The following SLC14A2 variants were observed in gnomAD, a reference collection of about 807,000 sequenced individuals.
SLC14A2 encodes solute carrier family 14 member 2, also known as urea transporter 2.
Under a neutral mutation model 104.6 loss-of-function variants are expected in SLC14A2, and 91 were observed. The ratio of observed to expected loss-of-function variants is 0.87; its 90% CI spans 0.73 to 1.04. SLC14A2 has a LOEUF of 1.04. Among genes scored for constraint, SLC14A2 ranks in the 50% least tolerant of loss-of-function variants. The probability of loss-of-function intolerance (pLI) is 0.00; values close to 1 mark genes in which losing one functional copy is unlikely to be tolerated. For missense variants in SLC14A2, 1,189 were observed against 1,156.0 expected (o/e 1.03, Z -0.41); for synonymous variants, 476 against 466.4 (o/e 1.02, Z -0.27).
At chr18:45,649,207 G>A (rs559677590) in intron 10 of SLC14A2, among the ~76,000 whole-genome samples, 12 of 145,690 alleles carry the variant, frequency 8.2e-5, no homozygotes, top group African/African-American at 2.1e-4. Flanking sequence ...AGGCATATTT[G>A]TCTCTTATTA....
chr18:45,552,504 A>G (rs989209981), intron 2 of SLC14A2, among the ~76,000 whole-genome samples: 6 of 152,116 alleles, frequency 3.9e-5, no homozygotes, highest in Admixed American at 3.3e-4. Flanking sequence ...CCACACTACA[A>G]TGCAGCCATA....
intron 4 of SLC14A2, 65 bp downstream of exon 4, chr18:45,627,212 TGAGTAA>T: frequency 6.9e-7 from 1 of 1,458,800 alleles, no homozygotes; most frequent in Non-Finnish European, 9.5e-7. Flanking sequence ...GGTGTTTACT[TGAGTAA>T]TCAGTCAACC....
intron 1 of SLC14A2, among the ~76,000 whole-genome samples, chr18:45,432,763 ATG>A (rs1372135479): frequency 1.3e-5 from 2 of 152,170 alleles, no homozygotes; most frequent in African/African-American, 4.8e-5. Flanking sequence ...TCTAGTAGAC[ATG>A]TGATCCTAAG....
chr18:45,539,628 T>C, intron 2 of SLC14A2, among the ~76,000 whole-genome samples: 1 of 152,194 alleles, frequency 6.6e-6, no homozygotes, highest in East Asian at 1.9e-4. Context: ...GGAGAGCCTT[T>C]GAAATACGGC....
intron 2 of SLC14A2, among the ~76,000 whole-genome samples, chr18:45,538,381 C>T (rs555750652): frequency 1.6e-3 from 241 of 152,316 alleles, no homozygotes; most frequent in Middle Eastern, 3.4e-3. Flanking sequence ...CTTTTGCTGG[C>T]TCTGGCTTAG....
At chr18:45,375,032 T>C (rs1257296406) in intron 1 of SLC14A2, among the ~76,000 whole-genome samples, 1 of 152,210 alleles carries the variant, frequency 6.6e-6, no homozygotes, top group Non-Finnish European at 1.5e-5. Flanking sequence ...AAATTATGAC[T>C]GAGAGACAAT....
At chr18:45,195,162 A>T in the SLC14A2 span, among the ~76,000 whole-genome samples, 3 of 152,180 alleles carry the variant, frequency 2.0e-5, no homozygotes, top group African/African-American at 7.2e-5. Context: ...TGAGGGACGA[A>T]GTATCTGTGT....
chr18:45,636,932 A>C, intron 5 of SLC14A2, 58 bp from the exon 6 acceptor site: 1 of 1,404,716 alleles, frequency 7.1e-7, no homozygotes, highest in Non-Finnish European at 9.9e-7. Flanking sequence ...AGAGCTGCTG[A>C]GACAATGTAG....
chr18:45,643,975 T>C lies in SLC14A2; in HGVS notation c.1177-11T>C, dbSNP rs1385397811. 6.2e-7 allele frequency: 1 copy of C among 1,612,966 alleles called. No homozygotes were observed. The highest frequency in any genetic ancestry group is 1.7e-5 in the Admixed American group (1 of 59,980). On this transcript the variant is annotated splice_polypyrimidine_tract_variant and intron_variant, in intron 9 of 19. Transcript: ENST00000255226. ...GGAAACTTCTTCAGTCCCCAATGCT[T>C]TTGTTTCCAGGTGGGCGTGCCACCA...
At chr18:45,678,291 T>C (rs759486977) in intron 18 of SLC14A2, among the ~76,000 whole-genome samples, 11 of 152,246 alleles carry the variant, frequency 7.2e-5, no homozygotes, top group Non-Finnish European at 1.2e-4. Context: ...ACTGTAGGAA[T>C]GCTGAAAGCT....
At chr18:45,227,203 G>A (rs1157525257) in intron 1 of SLC14A2, among the ~76,000 whole-genome samples, 1 of 152,176 alleles carries the variant, frequency 6.6e-6, no homozygotes, top group Admixed American at 6.5e-5. Context: ...GAGGAATGCA[G>A]GAATTTATCT....
intron 10 of SLC14A2, 27 bp downstream of exon 10, chr18:45,644,187 C>T (rs777135447): frequency 1.2e-5 from 20 of 1,610,222 alleles, no homozygotes; most frequent in Admixed American, 8.3e-5. Context: ...GGGGAAGAAA[C>T]GCTCTTTGCC....
At chr18:45,285,671 C>CA (rs1032730130) in intron 1 of SLC14A2, among the ~76,000 whole-genome samples, 1 of 143,102 alleles carries the variant, frequency 7.0e-6, no homozygotes, top group Non-Finnish European at 1.6e-5. Flanking sequence ...GCCCCCCCCC[C>CA]CCCTCGGCCT....
At chr18:45,260,678 A>C (rs2084526421) in intron 1 of SLC14A2, among the ~76,000 whole-genome samples, 1 of 152,188 alleles carries the variant, frequency 6.6e-6, no homozygotes. Context: ...ATGCAGCTGG[A>C]GGGCATTATC....
chr18:45,526,993 G>A (rs2043601518), intron 2 of SLC14A2, among the ~76,000 whole-genome samples: 1 of 152,186 alleles, frequency 6.6e-6, no homozygotes, highest in Non-Finnish European at 1.5e-5. Context: ...AACAAAAAAT[G>A]TCAGACCTAC....
At chr18:45,173,391 C>T in the SLC14A2 span, among the ~76,000 whole-genome samples, 1 of 151,758 alleles carries the variant, frequency 6.6e-6, no homozygotes, top group Non-Finnish European at 1.5e-5. Flanking sequence ...TCAATGTAAT[C>T]ACGGTTTTCC....
intron 1 of SLC14A2, among the ~76,000 whole-genome samples, chr18:45,334,248 T>G (rs568020883): frequency 6.6e-6 from 1 of 152,180 alleles, no homozygotes; most frequent in African/African-American, 2.4e-5. Context: ...CAAAGAACAA[T>G]TGCATTTTGC....
intron 18 of SLC14A2, among the ~76,000 whole-genome samples, chr18:45,674,022 G>A (rs898089600): frequency 1.7e-4 from 26 of 152,154 alleles, no homozygotes; most frequent in African/African-American, 2.4e-4. Context: ...CTCTCCTGGC[G>A]GGGGTTGGAG....
intron 1 of SLC14A2, among the ~76,000 whole-genome samples, chr18:45,275,643 T>C (rs1025289263): frequency 6.6e-6 from 1 of 152,232 alleles, no homozygotes; most frequent in African/African-American, 2.4e-5. Flanking sequence ...TGTGCATGCT[T>C]ATTTAAGGTG....
Sources: allele counts gnomAD v4.1 joint callset (sites outside exome capture counted in the v4.1 genomes callset), GRCh38; gene constraint gnomAD v4.1.1; transcripts MANE v1.5; gene names NCBI Gene and HGNC (gene_info 2026-07-23, HGNC 2026-07-21).